The following CEP112 variants were observed in gnomAD, a reference collection of about 807,000 sequenced individuals.
CEP112 encodes the protein centrosomal protein 112.
A neutral mutation model predicts 153.0 loss-of-function variants in CEP112; 127 were observed. The ratio of observed to expected loss-of-function variants is 0.83; its 90% CI spans 0.72 to 0.96. CEP112 has a LOEUF of 0.96. Ranked by LOEUF, CEP112 falls within the 40% of genes least tolerant of loss-of-function variation. The pLI, the probability that CEP112 is intolerant of heterozygous loss-of-function variation, is 0.00. For missense variants in CEP112, 1,089 were observed against 1,101.2 expected, an observed-to-expected ratio of 0.99 and a Z score of 0.16; for synonymous variants, 358 against 374.4, an observed-to-expected ratio of 0.96 and a Z score of 0.51.
intron 8 of CEP112, among the ~76,000 whole-genome samples, chr17:66,088,440 C>T (rs1245459147): frequency 6.6e-6 from 1 of 152,072 alleles, no homozygotes; most frequent in Non-Finnish European, 1.5e-5. Context: ...CTCCAGAATC[C>T]CTAGTCATCA....
intron 21 of CEP112, among the ~76,000 whole-genome samples, chr17:65,760,438 A>G (rs574353001): frequency 5.3e-4 from 81 of 152,226 alleles, no homozygotes; most frequent in African/African-American, 1.9e-3. Flanking sequence ...GTTCACCTCT[A>G]TTCCTAGTTT....
intron 21 of CEP112, among the ~76,000 whole-genome samples, chr17:65,791,250 T>C (rs1019531421): frequency 2.0e-5 from 3 of 149,948 alleles, no homozygotes; most frequent in Non-Finnish European, 2.9e-5. Context: ...TAATGGGCTA[T>C]AGCATTTAAA....
intron 12 of CEP112, among the ~76,000 whole-genome samples, chr17:66,035,854 C>T (rs2145784342): frequency 6.6e-6 from 1 of 152,304 alleles, no homozygotes; most frequent in East Asian, 1.9e-4. Flanking sequence ...TTGAATAAAA[C>T]AGCTTGCCAC....
At chr17:65,844,411 T>G (rs2057642342) in intron 21 of CEP112, among the ~76,000 whole-genome samples, 1 of 152,188 alleles carries the variant, frequency 6.6e-6, no homozygotes, top group South Asian at 2.1e-4. Flanking sequence ...TTTGGCTGGG[T>G]GCAGTGGCTC....
At chr17:66,145,380 G>C (rs978848431) in intron 4 of CEP112, among the ~76,000 whole-genome samples, 4 of 152,012 alleles carry the variant, frequency 2.6e-5, no homozygotes, top group African/African-American at 9.7e-5. Flanking sequence ...AAAAGGTTTA[G>C]ATAGTTCAGT....
At chr17:65,826,452 G>C in intron 21 of CEP112, 2 of 1,520,786 alleles carry the variant, frequency 1.3e-6, no homozygotes, top group South Asian at 2.5e-5. Context: ...TAGAGTGTCT[G>C]AGATTCCCCA....
chr17:65,696,692 C>A (rs2048374522), intron 23 of CEP112, among the ~76,000 whole-genome samples: 1 of 152,072 alleles, frequency 6.6e-6, no homozygotes, highest in South Asian at 2.1e-4. Flanking sequence ...GAAGAAGTCA[C>A]CCTGGCAAAC....
chr17:66,079,785 G>T (rs192524856), intron 8 of CEP112, among the ~76,000 whole-genome samples: 1 of 151,988 alleles, frequency 6.6e-6, no homozygotes, highest in Non-Finnish European at 1.5e-5. Context: ...TAACCAGAAC[G>T]GCATGTTCCT....
intron 21 of CEP112, among the ~76,000 whole-genome samples, chr17:65,808,888 T>C (rs1407812928): frequency 1.3e-5 from 2 of 152,338 alleles, no homozygotes; most frequent in East Asian, 3.9e-4. Flanking sequence ...AATGAACCAA[T>C]ACAATCATGA....
intron 21 of CEP112, chr17:65,826,135 T>C: frequency 6.2e-7 from 1 of 1,613,924 alleles, no homozygotes; most frequent in South Asian, 1.1e-5. Context: ...GTCTTGTTCT[T>C]ACCTTCTTCT....
intron 20 of CEP112, among the ~76,000 whole-genome samples, chr17:65,854,400 C>T (rs1403220320): frequency 1.3e-5 from 2 of 152,060 alleles, no homozygotes; most frequent in African/African-American, 2.4e-5. Flanking sequence ...TTACTTTGCA[C>T]CAGGCATCTT....
At chr17:66,104,834 C>T (rs1338092098) in intron 6 of CEP112, among the ~76,000 whole-genome samples, 1 of 152,066 alleles carries the variant, frequency 6.6e-6, no homozygotes, top group African/African-American at 2.4e-5. Context: ...CAAAAATAAC[C>T]TTGAGGGATT....
At chr17:66,105,562 G>A (rs144355557) in intron 6 of CEP112, among the ~76,000 whole-genome samples, 1 of 152,118 alleles carries the variant, frequency 6.6e-6, no homozygotes, top group South Asian at 2.1e-4. Flanking sequence ...GGGAGGCCAC[G>A]GTGGGCAGAT....
At chr17:65,740,345 T>A (rs902608885) in intron 23 of CEP112, among the ~76,000 whole-genome samples, 1 of 152,222 alleles carries the variant, frequency 6.6e-6, no homozygotes, top group Non-Finnish European at 1.5e-5. Context: ...ATCTTTTTGA[T>A]TAGCTAAAGC....
At chr17:66,143,746 T>G (rs77662826) in intron 4 of CEP112, among the ~76,000 whole-genome samples, 61 of 152,286 alleles carry the variant, frequency 4.0e-4, no homozygotes, top group African/African-American at 1.4e-3. Flanking sequence ...GAAAGCAAAT[T>G]ATTTCTTGTG....
rs149698702 is a variant in CEP112, at chr17:65,784,499, G to A, written c.2395-33775C>T. Among the ~76,000 whole-genome samples, 1,260 of 152,198 alleles carry A rather than the reference G, an allele frequency of 8.3e-3. 14 individuals carry two copies. The highest frequency in any genetic ancestry group is 0.02 in the South Asian group (96 of 4,814). The stretch of plus-strand genomic sequence containing the variant: ...GCTCTGCTACTTTTTCTTTTTGTTT[G>A]AGACGGAACCTCACTCTGTCGCCCA... On this transcript the variant is annotated intron_variant, in intron 21 of 26. Transcript: ENST00000535342.
At position 65,932,426 on chromosome 17, in the gene CEP112, T is replaced by A. The variant is rs1363707480; in HGVS notation, c.1873-4737A>T. On this transcript the variant is annotated intron_variant, in intron 18 of 26. Transcript: ENST00000535342. ...GCTCCAACAATGAACCCTAAAAATA[T>A]GAGGATCTATAAAATGACTGACAAT... Among the ~76,000 whole-genome samples the A allele has an allele frequency of 5.3e-5, 8 of 152,084 alleles. No homozygotes were observed. In the East Asian group the frequency reaches 1.5e-3, roughly 29 times the overall value.
chr17:65,806,661 G>A (rs1163418562), intron 21 of CEP112, among the ~76,000 whole-genome samples: 1 of 152,118 alleles, frequency 6.6e-6, no homozygotes, highest in Admixed American at 6.5e-5. Flanking sequence ...AAAAATGTGT[G>A]GCACTTCCCC....
intron 4 of CEP112, among the ~76,000 whole-genome samples, chr17:66,135,074 T>C (rs962004230): frequency 6.6e-6 from 1 of 152,142 alleles, no homozygotes; most frequent in African/African-American, 2.4e-5. Context: ...TCCAAACCCA[T>C]TACAAAACAA....
Sources: allele counts gnomAD v4.1 joint callset (sites outside exome capture counted in the v4.1 genomes callset), GRCh38; gene constraint gnomAD v4.1.1; transcripts MANE v1.5; gene names NCBI Gene and HGNC (gene_info 2026-07-23, HGNC 2026-07-21).